Variants in EIF4E3 observed in about 807,000 individuals in gnomAD.
EIF4E3 encodes eukaryotic translation initiation factor 4E type 3.
Under a neutral mutation model 31.7 loss-of-function variants are expected in EIF4E3, and 26 were observed. That is an observed-to-expected ratio of 0.82 (90% confidence interval 0.60 to 1.14). EIF4E3 has a LOEUF of 1.14. EIF4E3 is among the 50% of genes most tolerant of loss of function. The pLI is 0.00. For missense variants in EIF4E3, 304 were observed against 270.9 expected (o/e 1.12, Z -0.86); for synonymous variants, 128 against 107.7 (o/e 1.19, Z -1.17).
the EIF4E3 span, among the ~76,000 whole-genome samples, chr3:71,660,622 C>T: frequency 4.6e-5 from 7 of 152,248 alleles, no homozygotes; most frequent in East Asian, 5.8e-4. Context: ...CCAGGCCCAC[C>T]GCTAAATACA....
At chr3:71,709,989 C>A (rs983659876) in intron 2 of EIF4E3, among the ~76,000 whole-genome samples, 4 of 152,126 alleles carry the variant, frequency 2.6e-5, no homozygotes, top group African/African-American at 4.8e-5. Context: ...CTGCTCTCCC[C>A]ATGTGACCTC....
intron 6 of EIF4E3, among the ~76,000 whole-genome samples, chr3:71,687,083 C>T (rs753553402): frequency 1.1e-4 from 17 of 152,194 alleles, no homozygotes; most frequent in South Asian, 4.1e-4. Flanking sequence ...TCACTGCAAC[C>T]TTCACCTCCT....
intron 1 of EIF4E3, among the ~76,000 whole-genome samples, chr3:71,745,860 G>A (rs560399465): frequency 1.3e-4 from 20 of 152,268 alleles, no homozygotes; most frequent in South Asian, 8.3e-4. Context: ...ACTTGGAGCC[G>A]TTGCTATAAC....
At chr3:71,730,011 G>A (rs1223876864), upstream of EIF4E3, among the ~76,000 whole-genome samples, 1 of 152,156 alleles carries the variant, frequency 6.6e-6, no homozygotes, top group Non-Finnish European at 1.5e-5. Flanking sequence ...AAAAGAAAAA[G>A]GAAGGCAATG....
Position 71,710,402 on chromosome 3 carries a change from T to C in EIF4E3, c.249+10A>G. On this transcript the variant is annotated intron_variant, in intron 2 of 6. Transcript: ENST00000425534. ...CGTGTTAATCCAGTTAGTCCCTCTC[T>C]TGATCTTACCTGTACTGTCTGTACT... The C allele has an allele frequency of 6.4e-7, 1 of 1,551,996 alleles. No homozygotes were observed. Among genetic ancestry groups the C allele is most frequent in the Non-Finnish European group, 8.7e-7 (1 of 1,146,986 alleles).
At position 71,678,021 on chromosome 3, in the gene EIF4E3, C is replaced by G. The variant is rs1052644387; in HGVS notation, c.*6661G>C. The G allele has an allele frequency of 2.0e-5, 3 of 152,146 alleles. No individual in the cohort carries two copies. Among genetic ancestry groups the G allele is most frequent in the African/African-American group, 7.2e-5 (3 of 41,428 alleles). The allele number at this position is 152,146 out of a possible 1,614,324, so 9.4% of individuals were successfully genotyped here. ...CAACAGGGAAGTGTAAAAATAACAACAGTTACTCCCCATCAGAATACCAGA... is the reference window on the plus strand; with the variant it reads ...CAACAGGGAAGTGTAAAAATAACAAGAGTTACTCCCCATCAGAATACCAGA... On this transcript the variant is annotated 3_prime_UTR_variant, in exon 7 of 7. Coordinates refer to ENST00000425534, the MANE Select transcript of EIF4E3 (RefSeq NM_001134651.2).
At chr3:71,748,198 T>C (rs972913563) in intron 1 of EIF4E3, among the ~76,000 whole-genome samples, 1 of 89,226 alleles carries the variant, frequency 1.1e-5, no homozygotes, top group Non-Finnish European at 2.4e-5. Flanking sequence ...ATGGGTTGGT[T>C]TATATGTGAT....
At chr3:71,666,453 T>C in the EIF4E3 span, among the ~76,000 whole-genome samples, 4 of 151,858 alleles carry the variant, frequency 2.6e-5, no homozygotes, top group South Asian at 2.1e-4. Flanking sequence ...CAGTAATTAA[T>C]AGCCTACCTC....
intron 3 of EIF4E3, among the ~76,000 whole-genome samples, chr3:71,697,276 C>T (rs1203204458): frequency 6.6e-6 from 1 of 152,324 alleles, no homozygotes; most frequent in East Asian, 1.9e-4. Context: ...CCACCTTGGC[C>T]TCCCAAAGTG....
intron 4 of EIF4E3, 37 bp downstream of exon 4, chr3:71,696,423 C>A: frequency 6.2e-7 from 1 of 1,612,600 alleles, no homozygotes; most frequent in Non-Finnish European, 8.5e-7. Flanking sequence ...CAACTCCAAG[C>A]CTCGCCGGTT....
chr3:71,663,497 G>A, the EIF4E3 span, among the ~76,000 whole-genome samples: 1 of 152,180 alleles, frequency 6.6e-6, no homozygotes, highest in Non-Finnish European at 1.5e-5. Flanking sequence ...TCGGCAAAAT[G>A]ATTGCTCCCA....
At chr3:71,710,149 C>T (rs2049353872) in intron 2 of EIF4E3, among the ~76,000 whole-genome samples, 1 of 152,140 alleles carries the variant, frequency 6.6e-6, no homozygotes. Flanking sequence ...CTGCAGTCTG[C>T]CTTTTGTGCG....
intron 6 of EIF4E3, among the ~76,000 whole-genome samples, chr3:71,688,745 T>C (rs2049025193): frequency 6.6e-6 from 1 of 152,166 alleles, no homozygotes; most frequent in Admixed American, 6.5e-5. Flanking sequence ...ACAATTAAAG[T>C]ATCCCTAAAG....
intron 3 of EIF4E3, 142 bp from the exon 4 acceptor site, chr3:71,696,662 T>A: frequency 1.2e-6 from 1 of 866,896 alleles, no homozygotes; most frequent in Non-Finnish European, 1.8e-6. Context: ...TTATTTTTGT[T>A]TTTTATTTTT....
intron 6 of EIF4E3, among the ~76,000 whole-genome samples, chr3:71,688,648 C>T (rs2049023189): frequency 6.6e-6 from 1 of 152,160 alleles, no homozygotes; most frequent in Admixed American, 6.5e-5. Flanking sequence ...AAATACACTT[C>T]CGTCTATAGA....
At chr3:71,712,225 A>T (rs948751568) in intron 1 of EIF4E3, among the ~76,000 whole-genome samples, 2 of 152,216 alleles carry the variant, frequency 1.3e-5, no homozygotes, top group Non-Finnish European at 2.9e-5. Context: ...AGCCTAAAAT[A>T]ACTATGTCAA....
intron 4 of EIF4E3, among the ~76,000 whole-genome samples, chr3:71,694,729 C>T (rs1040640504): frequency 4.6e-5 from 7 of 152,170 alleles, no homozygotes; most frequent in African/African-American, 1.4e-4. Context: ...AGGCTGCTTG[C>T]TATCTGCAAA....
intron 1 of EIF4E3, among the ~76,000 whole-genome samples, chr3:71,712,450 T>C (rs28533279): frequency 0.59 from 89,599 of 151,870 alleles, 26,770 homozygotes; most frequent in South Asian, 0.67. Flanking sequence ...ACTTCAAAAC[T>C]CTTAAACTTT....
intron 2 of EIF4E3, among the ~76,000 whole-genome samples, chr3:71,706,514 G>C (rs2049295156): frequency 1.3e-5 from 2 of 152,102 alleles, no homozygotes; most frequent in Non-Finnish European, 2.9e-5. Flanking sequence ...TGCTAATGGA[G>C]TGAGAGTAAA....
Sources: allele counts gnomAD v4.1 joint callset (sites outside exome capture counted in the v4.1 genomes callset), GRCh38; gene constraint gnomAD v4.1.1; transcripts MANE v1.5; gene names NCBI Gene and HGNC (gene_info 2026-07-23, HGNC 2026-07-21).